Variants in PYGO2 observed in about 807,000 individuals in gnomAD.
The protein encoded by PYGO2 is pygopus homolog 2.
Under a neutral mutation model 26.7 loss-of-function variants are expected in PYGO2, and 9 were observed. The observed-to-expected ratio is 0.34, with a 90% CI of 0.20 to 0.59. PYGO2 has a LOEUF of 0.59. Among genes scored for constraint, PYGO2 ranks in the 20% least tolerant of loss-of-function variants. The pLI is 0.84. For synonymous variants in PYGO2, 236 were observed against 219.0 expected (o/e 1.08, Z -0.68); for missense variants, 538 against 561.5 (o/e 0.96, Z 0.42).
rs374504159 is a variant in PYGO2 at position 154,959,743 on chromosome 1, T to C, written c.257A>G (p.Lys86Arg). Residue 86 changes from lysine (K) to arginine (R), a missense_variant, in exon 3 of 3, where the codon AAA (lysine) becomes AGA (arginine). This residue lies in a region of PYGO2 where 381 missense variants were observed against 336.6 expected (regional missense o/e 1.13). Transcript: ENST00000368457. The surrounding 1 kb of genome is among the most constrained non-coding windows in gnomAD (Gnocchi z 4.7). ...NPFEDDFGAP[K>R]VGVAAPPFLG... ...GAATGGAGGGGCTGCAACCCCCACT[T>C]TGGGGGCTCCGAAGTCATCTTCAAA... 2.9e-6 allele frequency: 4 copies of C among 1,398,008 alleles called. No homozygotes were observed. Among genetic ancestry groups the C allele is most frequent in the Non-Finnish European group, 3.8e-6 (4 of 1,066,564 alleles). The allele number at this position is 1,398,008 out of a possible 1,614,324, so 86.6% of individuals were successfully genotyped here.
rs1292429094 is a variant in PYGO2, at chr1:154,958,851, G to C, written c.1149C>G (p.Leu383=). The C allele has an allele frequency of 4.3e-6, 7 of 1,614,018 alleles. No homozygotes were observed. The East Asian group carries it at 1.6e-4, about 36-fold the overall frequency. Residue 383 remains leucine (L), a synonymous_variant, in exon 3 of 3, where the codon CTC becomes CTG. Coordinates refer to ENST00000368457, the MANE Select transcript of PYGO2 (RefSeq NM_138300.4). ...AGACAGACTGGATCTCCTTGGTCTT[G>C]AGGCAGAGATCGCAGGCCCAGACGG... ...ASAVWACDLC[L]KTKEIQSVYI... is the part of the protein sequence containing the mutation.
At chr1:154,961,170 T>A in intron 1 of PYGO2, 144 bp from the exon 2 acceptor site, 1 of 748,828 alleles carries the variant, frequency 1.3e-6, no homozygotes, top group Non-Finnish European at 2.3e-6. Context: ...AGGGGTGCAA[T>A]ATGAAAAATA....
Position 154,961,468 on chromosome 1 carries a change from G to C in PYGO2, c.103+6C>G. 6.8e-7 allele frequency: 1 copy of C among 1,480,932 alleles called. No homozygotes were observed. The highest frequency in any genetic ancestry group is 1.5e-5 in the African/African-American group (1 of 68,602). 91.7% of individuals were successfully genotyped at this position (1,480,932 alleles called of 1,614,324 possible). A position where few individuals can be genotyped will look rare whatever the true frequency, so the allele number is the denominator to read the frequency against. On this transcript the variant is annotated splice_donor_region_variant and intron_variant, in intron 1 of 2. Coordinates refer to ENST00000368457, the MANE Select transcript of PYGO2 (RefSeq NM_138300.4). Reference sequence around the variant, plus strand: ...CTTCAGCCCCCGCCCCTCGCAGCGCGCTCACCGGCCTTGCCCTGCTTCCTC... The same window carrying C: ...CTTCAGCCCCCGCCCCTCGCAGCGCCCTCACCGGCCTTGCCCTGCTTCCTC...
In PYGO2 at chr1:154,958,956, G is replaced by A. The variant is rs376783084; in HGVS notation, c.1044C>T (p.Ala348=). 13 of 1,614,036 alleles carry A rather than the reference G, an allele frequency of 8.1e-6. No homozygotes were observed. Among genetic ancestry groups the A allele is most frequent in the Non-Finnish European group, 1.1e-5 (13 of 1,180,036 alleles). ...NDDQDAILCE[A]SCQKWFHREC... ...CACGGTGGAACCATTTCTGGCAGGA[G>A]GCCTCACACAGAATGGCATCCTGGT... Residue 348 remains alanine, a synonymous_variant, in exon 3 of 3, where the codon GCC becomes GCT. Transcript: ENST00000368457.
chr1:154,958,599 G>A lies in PYGO2; in HGVS notation c.*180C>T. ...CAACATGTAAGTTTCCCAAAACAGTGAGCAATCCAGGCTCTTCTGCCTGCC... is the reference window on the plus strand; with the variant it reads ...CAACATGTAAGTTTCCCAAAACAGTAAGCAATCCAGGCTCTTCTGCCTGCC... On this transcript the variant is annotated 3_prime_UTR_variant, in exon 3 of 3. Coordinates refer to ENST00000368457, the MANE Select transcript of PYGO2 (RefSeq NM_138300.4). The A allele has an allele frequency of 1.7e-6, 1 of 602,926 alleles. No individual in the cohort carries two copies. Among genetic ancestry groups the A allele is most frequent in the Non-Finnish European group, 2.9e-6 (1 of 341,682 alleles). The allele number at this position is 602,926 out of a possible 1,614,324, so 37.3% of individuals were successfully genotyped here.
rs1655230735 is a variant in PYGO2, at chr1:154,957,805, T to C, written c.*974A>G. The C allele has an allele frequency of 6.6e-6, 1 of 152,620 alleles. No individual in the cohort carries two copies. The highest frequency in any genetic ancestry group is 6.5e-5 in the Admixed American group (1 of 15,276). The allele number at this position is 152,620 out of a possible 1,614,324, so 9.5% of individuals were successfully genotyped here. A position where few individuals can be genotyped will look rare whatever the true frequency, so the allele number is the denominator to read the frequency against. On this transcript the variant is annotated 3_prime_UTR_variant, in exon 3 of 3. Transcript: ENST00000368457. ...GTGACAGGGCCTCACTTGGATCCTT[T>C]TATCATGGAGGAAATGAGGTATAGG...
At chr1:154,960,924 G>A in intron 2 of PYGO2, 53 bp downstream of exon 2, 1 of 1,518,606 alleles carries the variant, frequency 6.6e-7, no homozygotes, top group Non-Finnish European at 9.1e-7. Flanking sequence ...AGAGTAGACA[G>A]TGTGCCGCCA....
At position 154,959,608 on chromosome 1, in the gene PYGO2, C is replaced by T. The variant is rs767913763; in HGVS notation, c.392G>A (p.Arg131Gln). 4 of 1,434,800 alleles carry T rather than the reference C, an allele frequency of 2.8e-6. No individual in the cohort carries two copies. The highest frequency in any genetic ancestry group is 3.7e-6 in the Non-Finnish European group (4 of 1,087,886). The allele number at this position is 1,434,800 out of a possible 1,614,324, so 88.9% of individuals were successfully genotyped here. Residue 131 changes from arginine to glutamine, a missense_variant, in exon 3 of 3, where the codon CGA (arginine) becomes CAA (glutamine). This residue lies in a region of PYGO2 where 381 missense variants were observed against 336.6 expected (regional missense o/e 1.13). Coordinates refer to ENST00000368457, the MANE Select transcript of PYGO2 (RefSeq NM_138300.4). The surrounding 1 kb of genome is among the most constrained non-coding windows in gnomAD (Gnocchi z 4.7). ...GGGGGPQPLR[R>Q]QPPPFPPNPM... ...ATTGGGAGGGAAGGGGGGTGGCTGT[C>T]GACGGAGTGGCTGGGGGCCCCCTCC...
rs1558043212 is a variant in PYGO2, at chr1:154,958,747, C to A, written c.*32G>T. On this transcript the variant is annotated 3_prime_UTR_variant, in exon 3 of 3. Coordinates refer to ENST00000368457, the MANE Select transcript of PYGO2 (RefSeq NM_138300.4). ...ATCACCCTGGAAGAGCAGGGAGAGA[C>A]ATGTGCACTTCCCTGGGCCACTTCA... 4 of 1,559,050 alleles carry A rather than the reference C, an allele frequency of 2.6e-6. No individual in the cohort carries two copies. Among genetic ancestry groups the A allele is most frequent in the Non-Finnish European group, 3.5e-6 (4 of 1,133,574 alleles).
At position 154,960,967 on chromosome 1, in the gene PYGO2, C is replaced by T; in HGVS notation, c.153+10G>A. On this transcript the variant is annotated intron_variant, in intron 2 of 2. Coordinates refer to ENST00000368457, the MANE Select transcript of PYGO2 (RefSeq NM_138300.4). Reference sequence around the variant, plus strand: ...GCTGGGAACCAAACCCACCACCAACCACCATTCACCTGAGTATTTGACTTC... The same window carrying T: ...GCTGGGAACCAAACCCACCACCAACTACCATTCACCTGAGTATTTGACTTC... 6.2e-7 allele frequency: 1 copy of T among 1,614,030 alleles called. No individual in the cohort carries two copies. The highest frequency in any genetic ancestry group is 8.5e-7 in the Non-Finnish European group (1 of 1,179,904).
Position 154,959,115 on chromosome 1 carries a change from G to A in PYGO2, c.885C>T (p.Ser295=), listed in dbSNP as rs764009532. The A allele has an allele frequency of 6.2e-7, 1 of 1,604,828 alleles. No individual in the cohort carries two copies. Among genetic ancestry groups the A allele is most frequent in the Non-Finnish European group, 8.5e-7 (1 of 1,174,516 alleles). The change falls in exon 3 of 3, where the codon AGC becomes AGT. Residue 295 remains serine (S), a synonymous_variant. Transcript: ENST00000368457. This position sits in a 1 kb window ranked among gnomAD's most constrained non-coding sequence, Gnocchi z 4.7. ...CTGGAGTGCCCCCACCCCGCCCACT[G>A]CTGTTCGGGGGGAAACTGGGCTGGT... ...NGNQPSFPPN[S]SGRGGGTPDA...
chr1:154,959,373 A>G lies in PYGO2; in HGVS notation c.627T>C (p.Pro209=). Residue 209 remains proline (P), a synonymous_variant, in exon 3 of 3, where the codon CCT becomes CCC. Transcript: ENST00000368457. The surrounding 1 kb of genome is among the most constrained non-coding windows in gnomAD (Gnocchi z 4.7). ...GCTGAGCAAATCGTTGGGACAGAGA[A>G]GGTGGGCCCAGCTCTGCTCTGGGAG... ...GQPPRAELGP[P]SLSQRFAQPG... 1 of 1,609,768 alleles carries G rather than the reference A, an allele frequency of 6.2e-7. No individual in the cohort carries two copies. The highest frequency in any genetic ancestry group is 1.1e-5 in the South Asian group (1 of 90,450).
Position 154,959,169 on chromosome 1 carries a change from T to C in PYGO2, c.831A>G (p.Ser277=). ...CATTAACAGCAGCAGCCGGGGAGCC[T>C]GAGTGGGGCTCCTGGGGAAAAGCAG... ...ASTAFPQEPH[S]GSPAAAVNGN... The change falls in exon 3 of 3, where the codon TCA becomes TCG. Residue 277 remains serine (S), a synonymous_variant. Coordinates refer to ENST00000368457, the MANE Select transcript of PYGO2 (RefSeq NM_138300.4). This position sits in a 1 kb window ranked among gnomAD's most constrained non-coding sequence, Gnocchi z 4.7. 6.3e-7 allele frequency: 1 copy of C among 1,585,336 alleles called. No homozygotes were observed. The highest frequency in any genetic ancestry group is 1.1e-5 in the South Asian group (1 of 87,730).
rs145803570 is a variant in PYGO2 at position 154,958,650 on chromosome 1, G to A, written c.*129C>T. Reference sequence around the variant, plus strand: ...CACCTCAATTCCTTTTCTGCTCCCAGGAGCCACTGTTTCTGCCCCATGGGG... The same window carrying A: ...CACCTCAATTCCTTTTCTGCTCCCAAGAGCCACTGTTTCTGCCCCATGGGG... On this transcript the variant is annotated 3_prime_UTR_variant, in exon 3 of 3. Coordinates refer to ENST00000368457, the MANE Select transcript of PYGO2 (RefSeq NM_138300.4). 1.1e-4 allele frequency: 78 copies of A among 738,172 alleles called. No homozygotes were observed. In the East Asian group the frequency reaches 2.0e-3, roughly 19 times the overall value. The allele number at this position is 738,172 out of a possible 1,614,324, so 45.7% of individuals were successfully genotyped here.
chr1:154,961,478 C>T lies in PYGO2; in HGVS notation c.99G>A (p.Lys33=), dbSNP rs1244928458. 3 of 1,485,306 alleles carry T rather than the reference C, an allele frequency of 2.0e-6. No individual in the cohort carries two copies. Among genetic ancestry groups the T allele is most frequent in the South Asian group, 2.5e-5 (2 of 80,026 alleles). The allele number at this position is 1,485,306 out of a possible 1,614,324, so 92.0% of individuals were successfully genotyped here. A position where few individuals can be genotyped will look rare whatever the true frequency, so the allele number is the denominator to read the frequency against. Residue 33 remains lysine (K), a synonymous_variant, in exon 1 of 3, where the codon AAG becomes AAA. Coordinates refer to ENST00000368457, the MANE Select transcript of PYGO2 (RefSeq NM_138300.4). Reference sequence around the variant, plus strand: ...CGCCCCTCGCAGCGCGCTCACCGGCCTTGCCCTGCTTCCTCCCGGTGCTGG... The same window carrying T: ...CGCCCCTCGCAGCGCGCTCACCGGCTTTGCCCTGCTTCCTCCCGGTGCTGG... ...APPSTGRKQG[K]AGLQMKSPEK...
At position 154,959,053 on chromosome 1, in the gene PYGO2, C is replaced by T; in HGVS notation, c.947G>A (p.Gly316Glu). 1 of 1,613,372 alleles carries T rather than the reference C, an allele frequency of 6.2e-7. No homozygotes were observed. Among genetic ancestry groups the T allele is most frequent in the Non-Finnish European group, 8.5e-7 (1 of 1,179,906 alleles). Reference sequence around the variant, plus strand: ...TGGGGGAGGCTGGGGCCCGGAGCCCCCACCTGCCTTGCCAGGGGGTGCCAA... The same window carrying T: ...TGGGGGAGGCTGGGGCCCGGAGCCCTCACCTGCCTTGCCAGGGGGTGCCAA... ...NSLAPPGKAGGGSGPQPPPGL... is the reference protein window; with the variant it reads ...NSLAPPGKAGEGSGPQPPPGL... Residue 316 changes from glycine (G) to glutamate (E), a missense_variant, in exon 3 of 3, where the codon GGG (glycine) becomes GAG (glutamate). Transcript: ENST00000368457. The surrounding 1 kb of genome is among the most constrained non-coding windows in gnomAD (Gnocchi z 4.7).
chr1:154,959,025 G>A lies in PYGO2; in HGVS notation c.975C>T (p.Gly325=). 2.5e-6 allele frequency: 4 copies of A among 1,613,756 alleles called. No homozygotes were observed. Among genetic ancestry groups the A allele is most frequent in the Non-Finnish European group, 2.5e-6 (3 of 1,180,002 alleles). The change falls in exon 3 of 3, where the codon GGC becomes GGT. Residue 325 remains glycine, a synonymous_variant. Transcript: ENST00000368457. This position sits in a 1 kb window ranked among gnomAD's most constrained non-coding sequence, Gnocchi z 4.7. The part of the protein sequence containing the change: ...GGGSGPQPPP[G]LVYPCGACRS... ...GACAGGCACCACATGGGTACACCAA[G>A]CCTGGGGGAGGCTGGGGCCCGGAGC...
chr1:154,959,907 G>A lies in PYGO2; in HGVS notation c.154-61C>T. The A allele has an allele frequency of 2.0e-6, 2 of 994,482 alleles. No individual in the cohort carries two copies. Among genetic ancestry groups the A allele is most frequent in the Non-Finnish European group, 2.7e-6 (2 of 740,156 alleles). The allele number at this position is 994,482 out of a possible 1,614,324, so 61.6% of individuals were successfully genotyped here. On this transcript the variant is annotated intron_variant, in intron 2 of 2. Transcript: ENST00000368457. The surrounding 1 kb of genome is among the most constrained non-coding windows in gnomAD (Gnocchi z 4.7). ...AGGGAAACACAGAGCTAAACCAAGA[G>A]AGCACTACCAACACAATACACATTT... is the stretch of plus-strand genomic sequence containing the variant.
rs745564965 is a variant in PYGO2, at chr1:154,961,509, G to A, written c.68C>T (p.Ala23Val). The change falls in exon 1 of 3, where the codon GCG becomes GTG. Residue 23 changes from alanine to valine, a missense_variant. This residue lies in a region of PYGO2 where 79 missense variants were observed against 92.7 expected (regional missense o/e 0.85). Transcript: ENST00000368457. ...CTGCTTCCTCCCGGTGCTGGGCGGC[G>A]CAGGGGGCGGTGCGGGGCCGCCACC... ...EGGGGPAPPP[A>V]PPSTGRKQGK... is the part of the protein sequence containing the mutation. 18 of 1,451,530 alleles carry A rather than the reference G, an allele frequency of 1.2e-5. No individual in the cohort carries two copies. In the South Asian group the frequency reaches 2.1e-4, roughly 17 times the overall value. The allele number at this position is 1,451,530 out of a possible 1,614,324, so 89.9% of individuals were successfully genotyped here. A position where few individuals can be genotyped will look rare whatever the true frequency, so the allele number is the denominator to read the frequency against.
Sources: gnomAD v4.1 joint callset for allele counts on GRCh38, gnomAD v4.1.1 for gene constraint, gnomAD v4.1.1 regional missense constraint, Gnocchi (gnomAD v3.1) non-coding constraint, MANE v1.5 for transcripts, NCBI Gene and HGNC (gene_info 2026-07-23, HGNC 2026-07-21) for gene names.